Variants in ANKRD17 observed in about 807,000 individuals in gnomAD.
ANKRD17 encodes the protein ankyrin repeat domain 17, also known as ankyrin repeat domain-containing protein 17.
A neutral mutation model predicts 229.7 loss-of-function variants in ANKRD17; 19 were observed. The observed-to-expected ratio is 0.08, with a 90% CI of 0.06 to 0.12. The LOEUF (loss-of-function observed/expected upper bound fraction) is 0.12. Among genes scored for constraint, ANKRD17 ranks in the 10% least tolerant of loss-of-function variants. ANKRD17 has a pLI of 1.00. For synonymous variants in ANKRD17, 1,112 were observed against 1,146.1 expected, an observed-to-expected ratio of 0.97 and a Z score of 0.60; for missense variants, 2,176 against 3,176.8, an observed-to-expected ratio of 0.68 and a Z score of 7.57.
Position 73,258,689 on chromosome 4 carries a change from C to A in ANKRD17, c.-21G>T. ...TCCATCCCCAGGGAAAGAGGGAGGG[C>A]GCGGACGGGGGAGGGGCGTGGGGCT... On this transcript the variant is annotated 5_prime_UTR_variant, in exon 1 of 34. Coordinates refer to ENST00000358602, the MANE Select transcript of ANKRD17 (RefSeq NM_032217.5). 6.9e-7 allele frequency: 1 copy of A among 1,445,638 alleles called. No homozygotes were observed. Among genetic ancestry groups the A allele is most frequent in the South Asian group, 1.4e-5 (1 of 71,312 alleles). 89.6% of individuals were successfully genotyped at this position (1,445,638 alleles called of 1,614,324 possible).
At chr4:73,121,277 A>G in intron 19 of ANKRD17, 183 bp from the exon 20 acceptor site, 1 of 641,256 alleles carries the variant, frequency 1.6e-6, no homozygotes. Flanking sequence ...GTTTTATTAG[A>G]ATATTTTTTG....
chr4:73,124,848 A>G (rs1727227507), intron 18 of ANKRD17, 65 bp downstream of exon 18: 10 of 1,553,260 alleles, frequency 6.4e-6, no homozygotes, highest in Non-Finnish European at 7.9e-6. Context: ...AAAAAATAAT[A>G]TAAGTGAAAG....
intron 2 of ANKRD17, among the ~76,000 whole-genome samples, chr4:73,173,264 T>C (rs1256538240): frequency 6.6e-6 from 1 of 152,178 alleles, no homozygotes; most frequent in Admixed American, 6.5e-5. Context: ...CAATTTTAAA[T>C]ACATATGCAC....
At chr4:73,097,796 A>T (rs1723486903) in intron 26 of ANKRD17, among the ~76,000 whole-genome samples, 1 of 152,110 alleles carries the variant, frequency 6.6e-6, no homozygotes, top group Non-Finnish European at 1.5e-5. Context: ...GAGTTTAATC[A>T]CAGTAATAAT....
In ANKRD17 at chr4:73,104,663, T is replaced by C. The variant is rs183559673; in HGVS notation, c.4402-2116A>G. On this transcript the variant is annotated intron_variant, in intron 24 of 33. Coordinates refer to ENST00000358602, the MANE Select transcript of ANKRD17 (RefSeq NM_032217.5). ...AAACAGCAAATGAAGTTTTAGAATT[T>C]TGGCTCATCCATGATGGGTTGTTCA... 5.3e-5 allele frequency among the ~76,000 whole-genome samples: 8 copies of C among 152,212 alleles called. No individual in the cohort carries two copies. In the East Asian group the frequency reaches 1.5e-3, roughly 29 times the overall value.
chr4:73,182,002 C>A (rs896508994), intron 1 of ANKRD17, among the ~76,000 whole-genome samples: 9 of 114,454 alleles, frequency 7.9e-5, no homozygotes, highest in Non-Finnish European at 1.6e-5. Context: ...GAGCCGAGAT[C>A]GAGCCACTGC....
chr4:73,216,847 T>C (rs1320185588), intron 1 of ANKRD17, among the ~76,000 whole-genome samples: 1 of 152,208 alleles, frequency 6.6e-6, no homozygotes, highest in Non-Finnish European at 1.5e-5. Context: ...CCAGTATTAA[T>C]CCAACCACAC....
intron 24 of ANKRD17, among the ~76,000 whole-genome samples, chr4:73,104,358 G>A (rs769534617): frequency 2.0e-5 from 3 of 152,168 alleles, no homozygotes; most frequent in Middle Eastern, 3.2e-3. Flanking sequence ...CCTTGCTTAT[G>A]TGTTTTCTCC....
intron 10 of ANKRD17, among the ~76,000 whole-genome samples, chr4:73,145,159 G>A (rs1399562689): frequency 6.6e-6 from 1 of 152,164 alleles, no homozygotes; most frequent in East Asian, 1.9e-4. Flanking sequence ...ATGAATTGCG[G>A]TACTTGAATA....
Position 73,078,862 on chromosome 4 carries a change from T to A in ANKRD17, c.7188A>T (p.Gly2396=). 1 of 1,614,124 alleles carries A rather than the reference T, an allele frequency of 6.2e-7. No individual in the cohort carries two copies. The highest frequency in any genetic ancestry group is 8.5e-7 in the Non-Finnish European group (1 of 1,180,014). Residue 2396 remains glycine (G), a synonymous_variant, in exon 31 of 34, where the codon GGA becomes GGT. Coordinates refer to ENST00000358602, the MANE Select transcript of ANKRD17 (RefSeq NM_032217.5). ...NDSSAQSVSS[G]VRAPSPAPSS... is the part of the protein sequence containing the mutation. ...ATGGGGCAGGAGATGGTGCACGAAC[T>A]CCCGAGGATACTGACTGTGCAGAAG...
At chr4:73,101,447 T>C (rs1334160317) in intron 25 of ANKRD17, among the ~76,000 whole-genome samples, 1 of 152,112 alleles carries the variant, frequency 6.6e-6, no homozygotes, top group East Asian at 1.9e-4. Context: ...GGGGGATCAC[T>C]TGAGATCAGG....
At chr4:73,228,989 C>A (rs998595397) in intron 1 of ANKRD17, among the ~76,000 whole-genome samples, 2 of 152,058 alleles carry the variant, frequency 1.3e-5, no homozygotes, top group Non-Finnish European at 2.9e-5. Flanking sequence ...TGTAGGGACA[C>A]GGATGAAGCT....
At chr4:73,253,242 C>T (rs971334981) in intron 1 of ANKRD17, among the ~76,000 whole-genome samples, 1 of 152,158 alleles carries the variant, frequency 6.6e-6, no homozygotes, top group Non-Finnish European at 1.5e-5. Flanking sequence ...TACATTTAAC[C>T]ACTTAAGCTC....
intron 1 of ANKRD17, among the ~76,000 whole-genome samples, chr4:73,188,510 G>A (rs896637325): frequency 6.6e-4 from 101 of 151,992 alleles, no homozygotes; most frequent in African/African-American, 2.1e-3. Flanking sequence ...GCTTGAACCC[G>A]GGAGGCAGAG....
chr4:73,220,533 AT>A (rs1741708352), intron 1 of ANKRD17, among the ~76,000 whole-genome samples: 1 of 152,156 alleles, frequency 6.6e-6, no homozygotes, highest in Non-Finnish European at 1.5e-5. Context: ...ACTTAAATAT[AT>A]GTGGGCATAT....
chr4:73,239,657 A>G (rs1338939381), intron 1 of ANKRD17, among the ~76,000 whole-genome samples: 1 of 152,182 alleles, frequency 6.6e-6, no homozygotes, highest in Non-Finnish European at 1.5e-5. Flanking sequence ...AGGGATATAA[A>G]AAATCTTCAA....
intron 16 of ANKRD17, among the ~76,000 whole-genome samples, chr4:73,127,113 T>C (rs971236786): frequency 2.0e-5 from 3 of 152,198 alleles, no homozygotes; most frequent in Non-Finnish European, 2.9e-5. Context: ...TAGATACAAA[T>C]TGAGTATTTC....
intron 1 of ANKRD17, among the ~76,000 whole-genome samples, chr4:73,256,336 T>C (rs1376824885): frequency 1.3e-5 from 2 of 152,224 alleles, no homozygotes; most frequent in Non-Finnish European, 2.9e-5. Flanking sequence ...AATATCCCAG[T>C]AAGTACTGCA....
At chr4:73,183,842 T>C (rs1735912346) in intron 1 of ANKRD17, among the ~76,000 whole-genome samples, 1 of 152,248 alleles carries the variant, frequency 6.6e-6, no homozygotes, top group Non-Finnish European at 1.5e-5. Flanking sequence ...CTAAAGGTGA[T>C]GACATTTCAC....
Sources: allele counts gnomAD v4.1 joint callset (sites outside exome capture counted in the v4.1 genomes callset), GRCh38; gene constraint gnomAD v4.1.1; transcripts MANE v1.5; gene names NCBI Gene and HGNC (gene_info 2026-07-23, HGNC 2026-07-21).